DPP10: variants seen among roughly 807,000 people sequenced by gnomAD.
DPP10 encodes the protein inactive dipeptidyl peptidase 10.
A neutral mutation model predicts 120.9 loss-of-function variants in DPP10; 33 were observed. That is an observed-to-expected ratio of 0.27 (90% CI 0.21 to 0.37). DPP10 has a LOEUF of 0.37. Among genes scored for constraint, DPP10 ranks in the 10% least tolerant of loss-of-function variants. The pLI, the probability that DPP10 is intolerant of heterozygous loss-of-function variation, is 1.00. For synonymous variants in DPP10, 337 were observed against 326.1 expected, an observed-to-expected ratio of 1.03 and a Z score of -0.36; for missense variants, 816 against 942.8, an observed-to-expected ratio of 0.87 and a Z score of 1.76.
chr2:114,580,971 C>T (rs763155166), intron 1 of DPP10, among the ~76,000 whole-genome samples: 4 of 151,746 alleles, frequency 2.6e-5, no homozygotes, highest in Admixed American at 6.6e-5. Flanking sequence ...AAATTGTGGA[C>T]GACTTAAAAA....
intron 1 of DPP10, among the ~76,000 whole-genome samples, chr2:114,821,615 G>A (rs1686093554): frequency 6.6e-6 from 1 of 152,166 alleles, no homozygotes; most frequent in South Asian, 2.1e-4. Flanking sequence ...GGCAAAGCAA[G>A]TCCCTTCCAC....
rs560255624 is a variant in DPP10, at chr2:114,609,006, T to C, written c.60+166168T>C. ...CACAGCATCACGCAATATACTCAGGTAGCAAACGTGTGCATATACCCCAAG... is the reference window on the plus strand; with the variant it reads ...CACAGCATCACGCAATATACTCAGGCAGCAAACGTGTGCATATACCCCAAG... On this transcript the variant is annotated intron_variant, in intron 1 of 25. Transcript: ENST00000410059. 1.8e-3 allele frequency among the ~76,000 whole-genome samples: 276 copies of C among 152,068 alleles called. 2 individuals carry two copies. The highest frequency in any genetic ancestry group is 6.3e-3 in the African/African-American group (260 of 41,484).
intron 5 of DPP10, among the ~76,000 whole-genome samples, chr2:115,541,808 G>A (rs1558823009): frequency 6.6e-6 from 1 of 151,894 alleles, no homozygotes; most frequent in Non-Finnish European, 1.5e-5. Flanking sequence ...TTGCATAATA[G>A]TGGGGAGAGA....
At chr2:115,384,044 C>A (rs1302632463) in intron 3 of DPP10, among the ~76,000 whole-genome samples, 1 of 152,164 alleles carries the variant, frequency 6.6e-6, no homozygotes, top group East Asian at 1.9e-4. Context: ...GAAAACAATA[C>A]CCCAAAGTAT....
In DPP10 at chr2:115,038,251, T is replaced by A. The variant is rs1704364365; in HGVS notation, c.61-270988T>A. Among the ~76,000 whole-genome samples, 4 of 150,348 alleles carry A rather than the reference T, an allele frequency of 2.7e-5. No homozygotes were observed. The South Asian group carries it at 8.4e-4, about 31-fold the overall frequency. ...ATTTTACTCAGCAAATATTTATTTA[T>A]TTATTATTTTATTTATTTATTTATT... On this transcript the variant is annotated intron_variant, in intron 1 of 25. Coordinates refer to ENST00000410059, the MANE Select transcript of DPP10 (RefSeq NM_020868.6).
At chr2:115,594,906 TG>T (rs2082897325) in intron 5 of DPP10, among the ~76,000 whole-genome samples, 2 of 152,302 alleles carry the variant, frequency 1.3e-5, no homozygotes, top group South Asian at 4.1e-4. Flanking sequence ...CATACTATTT[TG>T]GAACACACAC....
intron 3 of DPP10, among the ~76,000 whole-genome samples, chr2:115,384,665 GAAGAAGGAA>G (rs2066763916): frequency 6.8e-6 from 1 of 146,960 alleles, no homozygotes. Context: ...GGAAGAAGAA[GAAGAAGGAA>G]GAAGAAGAGG....
intron 1 of DPP10, among the ~76,000 whole-genome samples, chr2:115,004,125 G>A (rs1002463331): frequency 3.9e-5 from 6 of 152,216 alleles, no homozygotes; most frequent in Non-Finnish European, 7.4e-5. Context: ...TCATATATGG[G>A]AGCTAAATGA....
rs1273889787 is a variant in DPP10 at position 114,558,943 on chromosome 2, C to T, written c.60+116105C>T. On this transcript the variant is annotated intron_variant, in intron 1 of 25. Transcript: ENST00000410059. ...TTCAATATAGTCATAAGTACATCTCCATGTCCAAGTATATCTCCATGCCCA... is the reference window on the plus strand; with the variant it reads ...TTCAATATAGTCATAAGTACATCTCTATGTCCAAGTATATCTCCATGCCCA... 2.6e-5 allele frequency among the ~76,000 whole-genome samples: 4 copies of T among 152,150 alleles called. No individual in the cohort carries two copies. In the South Asian group the frequency reaches 8.3e-4, roughly 32 times the overall value.
intron 19 of DPP10, among the ~76,000 whole-genome samples, chr2:115,796,134 C>G (rs1042635062): frequency 1.3e-5 from 2 of 152,062 alleles, no homozygotes; most frequent in Admixed American, 6.6e-5. Context: ...AAAGAGAAAT[C>G]CCATCCTTTA....
At chr2:115,473,143 GA>G (rs2074843454) in intron 3 of DPP10, among the ~76,000 whole-genome samples, 1 of 152,096 alleles carries the variant, frequency 6.6e-6, no homozygotes, top group Admixed American at 6.5e-5. Flanking sequence ...TTATTTAGTA[GA>G]AAAATGGGAT....
At position 114,517,056 on chromosome 2, in the gene DPP10, G is replaced by C. The variant is rs1684650714; in HGVS notation, c.60+74218G>C. On this transcript the variant is annotated intron_variant, in intron 1 of 25. Transcript: ENST00000410059. The stretch of plus-strand genomic sequence containing the variant: ...TTTCTAACTAACTTTAGGGTATTCT[G>C]TATCCTTGGCATTGATTTAGTGAGA... 3.3e-5 allele frequency among the ~76,000 whole-genome samples: 5 copies of C among 151,834 alleles called. No individual in the cohort carries two copies. The South Asian group carries it at 1.0e-3, about 32-fold the overall frequency.
At chr2:114,810,370 G>T (rs1685078837) in intron 1 of DPP10, among the ~76,000 whole-genome samples, 1 of 152,164 alleles carries the variant, frequency 6.6e-6, no homozygotes, top group Non-Finnish European at 1.5e-5. Context: ...TTCTGGAGAA[G>T]TTTAAATGTA....
intron 1 of DPP10, among the ~76,000 whole-genome samples, chr2:115,225,817 A>G (rs1401671126): frequency 1.3e-5 from 2 of 151,458 alleles, no homozygotes; most frequent in Admixed American, 6.6e-5. Flanking sequence ...TTTTTTTTCA[A>G]TTGAGAAGAA....
chr2:115,549,129 A>G (rs777264251), intron 5 of DPP10, among the ~76,000 whole-genome samples: 2 of 152,158 alleles, frequency 1.3e-5, no homozygotes, highest in Non-Finnish European at 2.9e-5. Context: ...GGTACATTCT[A>G]TGAAATAATG....
At chr2:114,800,598 T>G (rs1449382195) in intron 1 of DPP10, among the ~76,000 whole-genome samples, 1 of 152,206 alleles carries the variant, frequency 6.6e-6, no homozygotes, top group Non-Finnish European at 1.5e-5. Context: ...TCATCTCACA[T>G]ATTAGAGAAG....
intron 1 of DPP10, among the ~76,000 whole-genome samples, chr2:114,796,953 G>T (rs1162975748): frequency 6.6e-6 from 1 of 152,132 alleles, no homozygotes; most frequent in African/African-American, 2.4e-5. Context: ...GACAGAAATA[G>T]GTAGAGGCTT....
At chr2:114,696,627 A>G (rs1346123251) in intron 1 of DPP10, among the ~76,000 whole-genome samples, 2 of 152,040 alleles carry the variant, frequency 1.3e-5, no homozygotes, top group Non-Finnish European at 2.9e-5. Context: ...AACTAGATGC[A>G]ATATAAAAAA....
At chr2:114,465,548 T>C (rs1573407635) in intron 1 of DPP10, among the ~76,000 whole-genome samples, 1 of 152,190 alleles carries the variant, frequency 6.6e-6, no homozygotes, top group Non-Finnish European at 1.5e-5. Flanking sequence ...CAGGTTAGGG[T>C]AGCACATGTT....
Sources: gnomAD v4.1 joint callset for allele counts (sites outside exome capture counted in the v4.1 genomes callset) on GRCh38, gnomAD v4.1.1 for gene constraint, MANE v1.5 for transcripts, NCBI Gene and HGNC (gene_info 2026-07-23, HGNC 2026-07-21) for gene names.